Variants in SHC2 observed in about 807,000 individuals in gnomAD.
SHC2 encodes the protein SHC adaptor protein 2, also known as SHC-transforming protein 2.
A neutral mutation model predicts 60.6 loss-of-function variants in SHC2; 62 were observed. The observed-to-expected ratio is 1.02, with a 90% CI of 0.83 to 1.26. The LOEUF (loss-of-function observed/expected upper bound fraction) is 1.26, where lower values mean the gene tolerates loss of function less well. Ranked by LOEUF, SHC2 falls within the 50% of genes most tolerant of loss-of-function variation. The pLI, the probability that SHC2 is intolerant of heterozygous loss-of-function variation, is 0.00. For missense variants in SHC2, 873 were observed against 822.2 expected, an observed-to-expected ratio of 1.06 and a Z score of -0.76; for synonymous variants, 375 against 372.4, an observed-to-expected ratio of 1.01 and a Z score of -0.08.
intron 1 of SHC2, among the ~76,000 whole-genome samples, chr19:454,752 G>T (rs567076540): frequency 3.9e-5 from 6 of 152,006 alleles, no homozygotes; most frequent in South Asian, 2.1e-4. Flanking sequence ...ATCGCGCCAC[G>T]GCACTCCAGC....
Position 438,970 on chromosome 19 carries a change from CT to C in SHC2, c.599del (p.Lys200ArgfsTer21). On this transcript the variant is annotated frameshift_variant and splice_region_variant, in exon 3 of 13. Coordinates refer to ENST00000264554, the MANE Select transcript of SHC2 (RefSeq NM_012435.3). LOFTEE classifies it high-confidence loss of function. This position sits in a 1 kb window ranked among gnomAD's most constrained non-coding sequence, Gnocchi z 5.0. ...ACGAGAGACCACAAGCCTCACTCAC[CT>C]TTTTCTTCCAGGATCCCCGGACGCC... ...VPGVRGSWKK[K>X]APNKALASVL... 2.5e-6 allele frequency: 4 copies of C among 1,599,842 alleles called. No homozygotes were observed. The highest frequency in any genetic ancestry group is 2.3e-5 in the East Asian group (1 of 44,300).
At position 434,825 on chromosome 19, in the gene SHC2, C is replaced by A; in HGVS notation, c.994G>T (p.Asp332Tyr). Reference sequence around the variant, plus strand: ...TTGTAGTAATTGTGCTCCAAAGAGTCCTCCTCGTCCCCCCAGGCCGACTCC... The same window carrying A: ...TTGTAGTAATTGTGCTCCAAAGAGTACTCCTCGTCCCCCCAGGCCGACTCC... The part of the protein sequence containing the change: ...PEESAWGDEE[D>Y]SLEHNYYNSI... The change falls in exon 8 of 13, where the codon GAC becomes TAC. Residue 332 changes from aspartate to tyrosine, a missense_variant. Transcript: ENST00000264554. 1 of 1,612,528 alleles carries A rather than the reference C, an allele frequency of 6.2e-7. No homozygotes were observed. Among genetic ancestry groups the A allele is most frequent in the Non-Finnish European group, 8.5e-7 (1 of 1,179,766 alleles).
rs564949874 is a variant in SHC2, at chr19:441,807, A to G, written c.469-875T>C. Among the ~76,000 whole-genome samples the G allele has an allele frequency of 4.1e-4, 63 of 152,408 alleles. 1 individual carries two copies. The South Asian group carries it at 0.013, about 32-fold the overall frequency. Reference sequence around the variant, plus strand: ...GAAAAATGCAACATGCAAAATGATGAATAACGTTATGTGAAGTCCACCTCA... The same window carrying G: ...GAAAAATGCAACATGCAAAATGATGGATAACGTTATGTGAAGTCCACCTCA... On this transcript the variant is annotated intron_variant, in intron 1 of 12. Transcript: ENST00000264554. The surrounding 1 kb of genome is among the most constrained non-coding windows in gnomAD (Gnocchi z 4.9).
chr19:423,993 G>A (rs901024396), intron 10 of SHC2, among the ~76,000 whole-genome samples: 3 of 152,178 alleles, frequency 2.0e-5, no homozygotes, highest in Admixed American at 6.5e-5. Flanking sequence ...CACAGCAGGC[G>A]CCCACTAGGT....
At chr19:451,291 G>A (rs1179696667) in intron 1 of SHC2, among the ~76,000 whole-genome samples, 7 of 150,286 alleles carry the variant, frequency 4.7e-5, no homozygotes, top group African/African-American at 1.7e-4. Flanking sequence ...GCATGTGGAT[G>A]GCCACGCTGT....
Position 424,492 on chromosome 19 carries a change from G to T in SHC2, c.1309+605C>A, listed in dbSNP as rs952215756. Among the ~76,000 whole-genome samples, 1 of 152,110 alleles carries T rather than the reference G, an allele frequency of 6.6e-6. No homozygotes were observed. Among genetic ancestry groups the T allele is most frequent in the Admixed American group, 6.5e-5 (1 of 15,276 alleles). On this transcript the variant is annotated intron_variant, in intron 10 of 12. Transcript: ENST00000264554. This position sits in a 1 kb window ranked among gnomAD's most constrained non-coding sequence, Gnocchi z 4.5. ...TGCAAGACCAGCGGGCCAGGCAGTC[G>T]TCCCAGCAGGCCGGGATTCCCACAG...
At chr19:458,379 G>C (rs1197254882) in intron 1 of SHC2, among the ~76,000 whole-genome samples, 1 of 142,770 alleles carries the variant, frequency 7.0e-6, no homozygotes, top group East Asian at 2.1e-4. Context: ...CGGGTCCCGG[G>C]GAGGCGGAAT....
chr19:450,089 C>T (rs539235059), intron 1 of SHC2, among the ~76,000 whole-genome samples: 113 of 152,296 alleles, frequency 7.4e-4, no homozygotes, highest in African/African-American at 2.5e-3. Flanking sequence ...TCCACAGGGG[C>T]GAGGGGTGTG....
intron 4 of SHC2, among the ~76,000 whole-genome samples, chr19:437,031 G>GCACACACACA (rs150186783): frequency 6.6e-6 from 1 of 150,614 alleles, no homozygotes; most frequent in African/African-American, 2.4e-5. Flanking sequence ...CCACACACAT[G>GCACACACACA]CACACACACA....
intron 1 of SHC2, among the ~76,000 whole-genome samples, chr19:457,592 G>C (rs1333325090): frequency 6.6e-6 from 1 of 152,140 alleles, no homozygotes; most frequent in South Asian, 2.1e-4. Flanking sequence ...CTTGAGAGCA[G>C]GAACGAGGTC....
At position 437,307 on chromosome 19, in the gene SHC2, T is replaced by C. The variant is rs75186252; in HGVS notation, c.721-624A>G. On this transcript the variant is annotated intron_variant, in intron 4 of 12. Transcript: ENST00000264554. ...GTGTGCTCATCTGCGTGCTCGTCTG[T>C]GTGCTCATCTGCATGCTCATCTGCG... is the stretch of plus-strand genomic sequence containing the variant. 7.7e-3 allele frequency among the ~76,000 whole-genome samples: 1,151 copies of C among 149,832 alleles called. 8 individuals carry two copies. Among genetic ancestry groups the C allele is most frequent in the African/African-American group, 0.016 (644 of 39,644 alleles).
At position 430,906 on chromosome 19, in the gene SHC2, C is replaced by T. The variant is rs545071362; in HGVS notation, c.1111-159G>A. 3.0e-4 allele frequency among the ~76,000 whole-genome samples: 46 copies of T among 152,324 alleles called. No homozygotes were observed. The South Asian group carries it at 8.3e-3, about 27-fold the overall frequency. ...ATTGCTCTCTCACTCTGTAACTAGG[C>T]CCCCTGGGTCTGCCGCCCACCTCTG... On this transcript the variant is annotated intron_variant, in intron 8 of 12. Coordinates refer to ENST00000264554, the MANE Select transcript of SHC2 (RefSeq NM_012435.3).
rs974502369 is a variant in SHC2 at position 445,015 on chromosome 19, T to A, written c.469-4083A>T. 6.6e-6 allele frequency among the ~76,000 whole-genome samples: 1 copy of A among 152,248 alleles called. No homozygotes were observed. Among genetic ancestry groups the A allele is most frequent in the Non-Finnish European group, 1.5e-5 (1 of 68,036 alleles). On this transcript the variant is annotated intron_variant, in intron 1 of 12. Transcript: ENST00000264554. The surrounding 1 kb of genome is among the most constrained non-coding windows in gnomAD (Gnocchi z 4.4). ...GCTCCAGGATCTGCACTGCTCCCCC[T>A]GCACGACGGGAAGAGGCGGGGACCT...
chr19:434,480 G>T (rs1405987713), intron 8 of SHC2, among the ~76,000 whole-genome samples: 5 of 39,328 alleles, frequency 1.3e-4, no homozygotes, highest in African/African-American at 4.8e-4. Flanking sequence ...GAGATCGTGA[G>T]TCTGTGAGTG....
chr19:452,334 C>T (rs1365368296), intron 1 of SHC2, among the ~76,000 whole-genome samples: 2 of 106,574 alleles, frequency 1.9e-5, no homozygotes, highest in Admixed American at 9.6e-5. Flanking sequence ...TGCGTTTCTC[C>T]GTTTCATTGA....
chr19:418,941 G>T lies in SHC2; in HGVS notation c.1736C>A (p.Ser579Ter). The change falls in exon 12 of 13, where the codon TCA (serine) becomes TAA (stop). Residue 579 changes from serine to a stop codon, truncating the protein, a stop_gained. Transcript: ENST00000264554. LOFTEE classifies it high-confidence loss of function. ...CACACACCTGGCTCAGGGCTCCCGT[G>T]AGACCACGCCACGCAGGTGCAGCTC... ...ESELHLRGVV[S>*]REP The T allele has an allele frequency of 6.3e-7, 1 of 1,589,602 alleles. No homozygotes were observed. The highest frequency in any genetic ancestry group is 8.6e-7 in the Non-Finnish European group (1 of 1,168,332).
At chr19:429,404 T>C (rs62102120) in intron 9 of SHC2, among the ~76,000 whole-genome samples, 6 of 141,624 alleles carry the variant, frequency 4.2e-5, no homozygotes, top group Non-Finnish European at 7.8e-5. Flanking sequence ...ATATCCAACA[T>C]GCAGAGAAAC....
intron 1 of SHC2, among the ~76,000 whole-genome samples, chr19:456,407 C>T (rs1975343769): frequency 6.6e-6 from 1 of 152,144 alleles, no homozygotes; most frequent in Admixed American, 6.5e-5. Context: ...TTGTCCACTT[C>T]TCCCCTCACC....
chr19:454,977 C>T (rs1975302471), intron 1 of SHC2, among the ~76,000 whole-genome samples: 1 of 152,184 alleles, frequency 6.6e-6, no homozygotes, highest in African/African-American at 2.4e-5. Flanking sequence ...TGTCCCGCGT[C>T]CTTCTCTCTG....
Sources: allele counts gnomAD v4.1 joint callset (sites outside exome capture counted in the v4.1 genomes callset), GRCh38; gene constraint gnomAD v4.1.1; non-coding constraint Gnocchi (gnomAD v3.1); transcripts MANE v1.5; gene names NCBI Gene and HGNC (gene_info 2026-07-23, HGNC 2026-07-21).